ADPRHL1: variants seen among roughly 807,000 people sequenced by gnomAD.
The protein encoded by ADPRHL1 is ADP-ribosylhydrolase like 1.
Under a neutral mutation model 44.1 loss-of-function variants are expected in ADPRHL1, and 43 were observed. The ratio of observed to expected loss-of-function variants is 0.98; its 90% CI spans 0.76 to 1.26. The LOEUF (loss-of-function observed/expected upper bound fraction) is 1.26. Among genes scored for constraint, ADPRHL1 ranks in the 50% most tolerant of loss-of-function variants. The probability of loss-of-function intolerance (pLI) is 0.00; values close to 1 mark genes in which losing one functional copy is unlikely to be tolerated. For synonymous variants in ADPRHL1, 878 were observed against 1,017.4 expected (o/e 0.86, Z 2.61); for missense variants, 2,022 against 2,496.9 (o/e 0.81, Z 4.05).
intron 2 of ADPRHL1, among the ~76,000 whole-genome samples, chr13:113,440,680 C>G (rs1167702620): frequency 1.3e-5 from 2 of 152,116 alleles, no homozygotes; most frequent in Non-Finnish European, 2.9e-5. Flanking sequence ...GTCTCGAACT[C>G]CTGACCTCAG....
rs2043810546 is a variant in ADPRHL1, at chr13:113,406,595, T to G, written c.2687A>C (p.His896Pro). 10 of 1,231,928 alleles carry G rather than the reference T, an allele frequency of 8.1e-6. No individual in the cohort carries two copies. Among genetic ancestry groups the G allele is most frequent in the Non-Finnish European group, 9.1e-6 (9 of 987,990 alleles). The allele number at this position is 1,231,928 out of a possible 1,614,324, so 76.3% of individuals were successfully genotyped here. The change falls in exon 8 of 8, where the codon CAC (histidine) becomes CCC (proline). Residue 896 changes from histidine to proline, a missense_variant. His to Pro is a moderately conservative substitution (Grantham distance 77). Around this residue, in one of 8 missense-constraint regions of ADPRHL1, gnomAD observed 1,221 missense variants for 1,517.8 expected, o/e 0.80. Transcript: ENST00000612156. ...FPTVTENRRG[H>P]RAPVELSKLS... is the part of the protein sequence containing the mutation. ...CTTGCTCAGTTCCACTGGGGCTCGG[T>G]GACCCCTTCTGTTCTCAGTCACGGT...
chr13:113,405,728 C>T lies in ADPRHL1; in HGVS notation c.3554G>A (p.Ser1185Asn). Residue 1185 changes from serine (S) to asparagine (N), a missense_variant, in exon 8 of 8, where the codon AGT (serine) becomes AAT (asparagine). Ser to Asn is a conservative substitution (Grantham distance 46). This residue lies in a region of ADPRHL1 where 1,221 missense variants were observed against 1,517.8 expected (regional missense o/e 0.80). Transcript: ENST00000612156. Reference sequence around the variant, plus strand: ...CAGGAGGCTCCTCCCTGCTGCTCCACTCTTGGGCTCCAAGGATCCCCCAGG... The same window carrying T: ...CAGGAGGCTCCTCCCTGCTGCTCCATTCTTGGGCTCCAAGGATCCCCCAGG... ...LAPGGSLEPK[S>N]GAAGRSLLRG... 3.2e-6 allele frequency: 4 copies of T among 1,231,864 alleles called. No homozygotes were observed. Among genetic ancestry groups the T allele is most frequent in the Admixed American group, 8.4e-5 (2 of 23,730 alleles). The allele number at this position is 1,231,864 out of a possible 1,614,324, so 76.3% of individuals were successfully genotyped here.
In ADPRHL1 at chr13:113,409,914, A is replaced by C. The variant is rs2043839875; in HGVS notation, c.1062-1694T>G. On this transcript the variant is annotated intron_variant, in intron 7 of 7. Coordinates refer to ENST00000612156, the MANE Select transcript of ADPRHL1 (RefSeq NM_001394807.1). This position sits in a 1 kb window ranked among gnomAD's most constrained non-coding sequence, Gnocchi z 4.2. ...AAAAAAAAAAAAAAAAAAAAGGAAG[A>C]AGCTGAGCAGGCTGAAAAGAGACCG... 1.0e-6 allele frequency: 1 copy of C among 977,966 alleles called. No homozygotes were observed. Among genetic ancestry groups the C allele is most frequent in the Non-Finnish European group, 1.2e-6 (1 of 824,402 alleles). The allele number at this position is 977,966 out of a possible 1,614,324, so 60.6% of individuals were successfully genotyped here.
At chr13:113,434,514 A>G (rs887264555) in intron 2 of ADPRHL1, among the ~76,000 whole-genome samples, 1 of 150,842 alleles carries the variant, frequency 6.6e-6, no homozygotes, top group Non-Finnish European at 1.5e-5. Context: ...GGGACCCAGC[A>G]TCCACATGTA....
chr13:113,438,691 A>T (rs1433032890), intron 2 of ADPRHL1, among the ~76,000 whole-genome samples: 1 of 152,090 alleles, frequency 6.6e-6, no homozygotes, highest in Non-Finnish European at 1.5e-5. Context: ...CAAAAAAAAA[A>T]TTTCTTTTTT....
chr13:113,448,753 T>A lies in ADPRHL1; in HGVS notation c.215-4164A>T, dbSNP rs569456934. Among the ~76,000 whole-genome samples, 6 of 152,312 alleles carry A rather than the reference T, an allele frequency of 3.9e-5. No individual in the cohort carries two copies. In the East Asian group the frequency reaches 1.2e-3, roughly 29 times the overall value. On this transcript the variant is annotated intron_variant, in intron 1 of 7. Coordinates refer to ENST00000612156, the MANE Select transcript of ADPRHL1 (RefSeq NM_001394807.1). The stretch of plus-strand genomic sequence containing the variant: ...CCTCAGGGCAGAGACATGTCAGATG[T>A]GCCTTCGGCCACACGGGCCTGCACC...
At chr13:113,416,458 C>T (rs535598871) in intron 7 of ADPRHL1, among the ~76,000 whole-genome samples, 4 of 152,160 alleles carry the variant, frequency 2.6e-5, no homozygotes, top group Admixed American at 2.6e-4. Flanking sequence ...CTGACTGAGG[C>T]CATAAGCGCT....
chr13:113,411,218 T>C (rs1365870832), intron 7 of ADPRHL1, among the ~76,000 whole-genome samples: 1 of 152,148 alleles, frequency 6.6e-6, no homozygotes, highest in Non-Finnish European at 1.5e-5. Flanking sequence ...TCCTGCCTTG[T>C]TAGGAGGCGA....
Position 113,407,319 on chromosome 13 carries a change from C to T in ADPRHL1, c.1963G>A (p.Val655Met), listed in dbSNP as rs564314253. 78 of 1,232,030 alleles carry T rather than the reference C, an allele frequency of 6.3e-5. 1 individual carries two copies. Among genetic ancestry groups the T allele is most frequent in the South Asian group, 2.9e-4 (7 of 24,326 alleles). The allele number at this position is 1,232,030 out of a possible 1,614,324, so 76.3% of individuals were successfully genotyped here. A position where few individuals can be genotyped will look rare whatever the true frequency, so the allele number is the denominator to read the frequency against. Residue 655 changes from valine to methionine, a missense_variant, in exon 8 of 8, where the codon GTG (valine) becomes ATG (methionine). Around this residue, in one of 8 missense-constraint regions of ADPRHL1, gnomAD observed 1,221 missense variants for 1,517.8 expected, o/e 0.80. Transcript: ENST00000612156. ...ARRPPRGEAS[V>M]PPSARETGPS... ...CCCGTCTCCCTGGCACTAGGGGGCA[C>T]GCTGGCTTCTCCTCTGGGTGGACGC...
intron 1 of ADPRHL1, among the ~76,000 whole-genome samples, chr13:113,451,039 G>A (rs7999129): frequency 0.011 from 1,716 of 151,712 alleles, 41 homozygotes; most frequent in African/African-American, 0.038. Flanking sequence ...GCCTGGTAAC[G>A]GGCGTCTTCC....
intron 7 of ADPRHL1, among the ~76,000 whole-genome samples, chr13:113,421,028 A>T (rs1320089808): frequency 1.4e-5 from 1 of 70,892 alleles, no homozygotes; most frequent in Non-Finnish European, 2.6e-5. Flanking sequence ...GGACACCCCT[A>T]CCCCCCGCCA....
chr13:113,406,280 C>T lies in ADPRHL1; in HGVS notation c.3002G>A (p.Gly1001Asp). The T allele has an allele frequency of 2.4e-6, 3 of 1,232,066 alleles. No individual in the cohort carries two copies. The highest frequency in any genetic ancestry group is 3.0e-6 in the Non-Finnish European group (3 of 987,970). The allele number at this position is 1,232,066 out of a possible 1,614,324, so 76.3% of individuals were successfully genotyped here. ...ESNEISMQKK[G>D]SATNDPAASQ... The stretch of plus-strand genomic sequence containing the variant: ...GGCTGCAGGATCATTTGTTGCGGAG[C>T]CCTTCTTCTGCATTGATATTTCATT... Residue 1001 changes from glycine to aspartate, a missense_variant, in exon 8 of 8, where the codon GGC (glycine) becomes GAC (aspartate). Transcript: ENST00000612156.
At chr13:113,428,458 G>A (rs1222076880) in intron 4 of ADPRHL1, among the ~76,000 whole-genome samples, 4 of 152,208 alleles carry the variant, frequency 2.6e-5, no homozygotes, top group South Asian at 2.1e-4. Context: ...GGCACCTTCC[G>A]TGGGGTGGAA....
chr13:113,401,283 G>A lies in ADPRHL1; in HGVS notation c.*2095C>T, dbSNP rs1051031360. On this transcript the variant is annotated 3_prime_UTR_variant, in exon 8 of 8. Transcript: ENST00000612156. The surrounding 1 kb of genome is among the most constrained non-coding windows in gnomAD (Gnocchi z 5.5). The stretch of plus-strand genomic sequence containing the variant: ...TGGGCCTCTCCGTTTGGGTGGCTCC[G>A]AGAGGCCAACTCCAGCCCCAACTGC... 1 of 152,164 alleles carries A rather than the reference G, an allele frequency of 6.6e-6. No homozygotes were observed. The highest frequency in any genetic ancestry group is 1.9e-4 in the East Asian group (1 of 5,166). 9.4% of individuals were successfully genotyped at this position (152,164 alleles called of 1,614,324 possible).
intron 6 of ADPRHL1, 146 bp downstream of exon 6, chr13:113,424,070 TG>T: frequency 9.0e-7 from 1 of 1,109,552 alleles, no homozygotes; most frequent in Non-Finnish European, 1.3e-6. Context: ...CCTCCCAAAG[TG>T]GGTTCCAGAA....
intron 7 of ADPRHL1, among the ~76,000 whole-genome samples, chr13:113,413,886 T>C (rs1352573822): frequency 6.6e-6 from 1 of 152,212 alleles, no homozygotes; most frequent in Non-Finnish European, 1.5e-5. Context: ...AATTTAGTTG[T>C]TGGTGGCTCT....
At position 113,429,013 on chromosome 13, in the gene ADPRHL1, G is replaced by A; in HGVS notation, c.585C>T (p.Asp195=). The change falls in exon 4 of 8, where the codon GAC becomes GAT. Residue 195 remains aspartate, a synonymous_variant. Coordinates refer to ENST00000612156, the MANE Select transcript of ADPRHL1 (RefSeq NM_001394807.1). ...CTGCCAGAGGCACCGCCCGCAGCAT[G>A]TCTCTCCCCCACTGGACCAGGGGCT... The part of the protein sequence containing the change: ...QGKPLVQWGR[D]MLRAVPLAEE... 6.2e-7 allele frequency: 1 copy of A among 1,612,900 alleles called. No homozygotes were observed.
chr13:113,446,972 T>C (rs1436089633), intron 1 of ADPRHL1, among the ~76,000 whole-genome samples: 1 of 145,288 alleles, frequency 6.9e-6, no homozygotes, highest in African/African-American at 2.6e-5. Context: ...GTGTGCATGG[T>C]GTCTACATGC....
chr13:113,419,730 A>C (rs554206680), intron 7 of ADPRHL1, among the ~76,000 whole-genome samples: 15 of 152,326 alleles, frequency 9.8e-5, no homozygotes, highest in Non-Finnish European at 1.9e-4. Flanking sequence ...GGCAGCAGTT[A>C]AAAAGGCGCA....
Sources: allele counts gnomAD v4.1 joint callset (sites outside exome capture counted in the v4.1 genomes callset), GRCh38; gene constraint gnomAD v4.1.1; regional missense constraint gnomAD v4.1.1; non-coding constraint Gnocchi (gnomAD v3.1); transcripts MANE v1.5; gene names NCBI Gene and HGNC (gene_info 2026-07-23, HGNC 2026-07-21).